Variants in JMJD1C observed in about 807,000 individuals in gnomAD.
The protein encoded by JMJD1C is jumonji domain containing 1C.
In JMJD1C, 31 loss-of-function variants were observed where a neutral mutation model predicts 245.3. The ratio of observed to expected loss-of-function variants is 0.13; its 90% confidence interval spans 0.09 to 0.17. The LOEUF is 0.17. Among genes scored for constraint, JMJD1C ranks in the 10% least tolerant of loss-of-function variants. The probability of loss-of-function intolerance (pLI) is 1.00; values close to 1 mark genes in which losing one functional copy is unlikely to be tolerated. For missense variants in JMJD1C, 2,691 were observed against 3,000.2 expected (o/e 0.90, Z 2.41); for synonymous variants, 1,057 against 1,017.4 (o/e 1.04, Z -0.74).
rs1285855785 is a variant in JMJD1C, at chr10:63,440,756, T to A, written c.168+24739A>T. On this transcript the variant is annotated intron_variant, in intron 1 of 25. Coordinates refer to ENST00000399262, the MANE Select transcript of JMJD1C (RefSeq NM_032776.3). ...TACTGACCTTTATTACTGTACTGTC[T>A]ACTGAAGTCTCCCTAACACTAAGTG... Among the ~76,000 whole-genome samples, 44 of 152,202 alleles carry A rather than the reference T, an allele frequency of 2.9e-4. 1 individual carries two copies. Among genetic ancestry groups the A allele is most frequent in the East Asian group, 1.9e-4 (1 of 5,198 alleles).
chr10:63,198,864 ATTC>A (rs1012589161), intron 11 of JMJD1C, 137 bp from the exon 12 acceptor site: 41 of 515,736 alleles, frequency 7.9e-5, no homozygotes, highest in African/African-American at 6.6e-4. Context: ...AAACAGGTTA[ATTC>A]TTCACACACT....
intron 2 of JMJD1C, among the ~76,000 whole-genome samples, chr10:63,376,704 T>C (rs1946770069): frequency 6.6e-6 from 1 of 151,646 alleles, no homozygotes; most frequent in Admixed American, 6.6e-5. Context: ...ATTAGAAAAA[T>C]ATAAAACAAA....
intron 1 of JMJD1C, among the ~76,000 whole-genome samples, chr10:63,501,560 G>A (rs559288109): frequency 6.6e-6 from 1 of 152,114 alleles, no homozygotes; most frequent in Admixed American, 6.5e-5. Context: ...GGTGATTCAC[G>A]AGGTCAGGAG....
intron 2 of JMJD1C, among the ~76,000 whole-genome samples, chr10:63,349,511 G>A (rs1442251694): frequency 2.0e-5 from 3 of 152,180 alleles, no homozygotes; most frequent in Non-Finnish European, 2.9e-5. Flanking sequence ...AGTGCTTATA[G>A]AATAGTAGGA....
chr10:63,365,860 G>GAT (rs2134394438), intron 2 of JMJD1C, among the ~76,000 whole-genome samples: 4 of 152,286 alleles, frequency 2.6e-5, no homozygotes, highest in African/African-American at 9.6e-5. Context: ...TCTGGCTTCT[G>GAT]CCCTCAGCTA....
intron 14 of JMJD1C, chr10:63,193,698 GCT>G (rs1845112926): frequency 3.3e-6 from 1 of 306,992 alleles, no homozygotes. Context: ...ACGGAGTCTT[GCT>G]CTGTCACCCA....
In JMJD1C at chr10:63,322,802, CAAAAAA is replaced by C. The variant is rs58263377; in HGVS notation, c.333+57510_333+57515del. 5.4e-5 allele frequency among the ~76,000 whole-genome samples: 4 copies of C among 73,782 alleles called. No individual in the cohort carries two copies. In the South Asian group the frequency reaches 1.6e-3, roughly 29 times the overall value. 48.4% of individuals were successfully genotyped at this position (73,782 alleles called of 152,430 possible). On this transcript the variant is annotated intron_variant, in intron 2 of 25. Transcript: ENST00000399262. ...TGGGCAACAGAGTGAGATTCCATCT[CAAAAAA>C]AAAAAAAAAAAAAAACTTTTTTTTT...
chr10:63,348,865 C>T (rs1200274730), intron 2 of JMJD1C, among the ~76,000 whole-genome samples: 1 of 152,042 alleles, frequency 6.6e-6, no homozygotes, highest in Admixed American at 6.6e-5. Flanking sequence ...CTTTGGGAGG[C>T]CAAGGCGGGT....
intron 1 of JMJD1C, among the ~76,000 whole-genome samples, chr10:63,443,038 C>T (rs1951483602): frequency 6.6e-6 from 1 of 152,214 alleles, no homozygotes. Context: ...TTCCCCAATC[C>T]TCTGATTGAT....
At chr10:63,426,660 CA>C (rs879781507) in intron 1 of JMJD1C, among the ~76,000 whole-genome samples, 1 of 144,870 alleles carries the variant, frequency 6.9e-6, no homozygotes. Context: ...GACTCCGTCT[CA>C]AAAAAAAAAG....
At position 63,198,553 on chromosome 10, in the gene JMJD1C, T is replaced by C. The variant is rs752262057; in HGVS notation, c.5451A>G (p.Val1817=). Reference sequence around the variant, plus strand: ...AGGACAAAGCTGTTTTTTCAGATGTTACTAATTGACAGAACTTATCACCTA... The same window carrying C: ...AGGACAAAGCTGTTTTTTCAGATGTCACTAATTGACAGAACTTATCACCTA... ...DIIGDKFCQL[V]TSEKTALSWV... is the part of the protein sequence containing the mutation. The change falls in exon 12 of 26, where the codon GTA becomes GTG. Residue 1817 remains valine, a synonymous_variant. Coordinates refer to ENST00000399262, the MANE Select transcript of JMJD1C (RefSeq NM_032776.3). The C allele has an allele frequency of 1.9e-6, 3 of 1,609,442 alleles. No individual in the cohort carries two copies. The South Asian group carries it at 3.3e-5, about 18-fold the overall frequency.
At chr10:63,187,304 G>T (rs1326459872) in intron 18 of JMJD1C, among the ~76,000 whole-genome samples, 1 of 152,106 alleles carries the variant, frequency 6.6e-6, no homozygotes, top group Non-Finnish European at 1.5e-5. Flanking sequence ...CTAGTGCCTA[G>T]TATCTATCCA....
At chr10:63,501,974 TCA>T (rs945492145) in intron 1 of JMJD1C, among the ~76,000 whole-genome samples, 6 of 152,188 alleles carry the variant, frequency 3.9e-5, no homozygotes, top group Non-Finnish European at 8.8e-5. Flanking sequence ...GCCAAATTTA[TCA>T]TTTTTCTAAA....
chr10:63,449,111 C>T (rs868550763), intron 1 of JMJD1C, among the ~76,000 whole-genome samples: 3 of 151,478 alleles, frequency 2.0e-5, no homozygotes, highest in African/African-American at 4.9e-5. Context: ...AGCAAGACTC[C>T]GTCTCAAAAA....
chr10:63,328,001 G>A (rs901781395), intron 2 of JMJD1C, among the ~76,000 whole-genome samples: 26 of 152,140 alleles, frequency 1.7e-4, no homozygotes, highest in East Asian at 1.6e-3. Context: ...AAGGCTAGGC[G>A]CAGTGGCTCA....
rs555151566 is a variant in JMJD1C, at chr10:63,205,803, C to CT, written c.5074+791dup. 2.5e-4 allele frequency among the ~76,000 whole-genome samples: 38 copies of CT among 152,280 alleles called. 1 individual carries two copies. In the South Asian group the frequency reaches 7.9e-3, roughly 32 times the overall value. On this transcript the variant is annotated intron_variant, in intron 10 of 25. Coordinates refer to ENST00000399262, the MANE Select transcript of JMJD1C (RefSeq NM_032776.3). ...AGTCTTACGATCTTATATGAGACCA[C>CT]TGTCATATATACATTCCATCATTTT...
intron 2 of JMJD1C, among the ~76,000 whole-genome samples, chr10:63,377,504 G>A (rs1432940165): frequency 6.6e-6 from 1 of 152,154 alleles, no homozygotes; most frequent in African/African-American, 2.4e-5. Flanking sequence ...GGAGGCTGAG[G>A]CAGGCAGATC....
At chr10:63,231,107 C>G (rs1849930688) in intron 3 of JMJD1C, among the ~76,000 whole-genome samples, 1 of 152,132 alleles carries the variant, frequency 6.6e-6, no homozygotes, top group Non-Finnish European at 1.5e-5. Flanking sequence ...GAGCCAAGCA[C>G]TTGGGACACT....
At chr10:63,487,884 G>A (rs951891253) in intron 1 of JMJD1C, among the ~76,000 whole-genome samples, 2 of 152,180 alleles carry the variant, frequency 1.3e-5, no homozygotes, top group Non-Finnish European at 2.9e-5. Context: ...GAACCAACCA[G>A]GATGCTAGTT....
Sources: allele counts gnomAD v4.1 joint callset (sites outside exome capture counted in the v4.1 genomes callset), GRCh38; gene constraint gnomAD v4.1.1; transcripts MANE v1.5; gene names NCBI Gene and HGNC (gene_info 2026-07-23, HGNC 2026-07-21).